TRIM44: variants seen among roughly 807,000 people sequenced by gnomAD.
TRIM44 encodes the protein tripartite motif-containing protein 44.
Under a neutral mutation model 37.4 loss-of-function variants are expected in TRIM44, and 13 were observed. That is an observed-to-expected ratio of 0.35 (90% CI 0.23 to 0.55). The LOEUF (loss-of-function observed/expected upper bound fraction) is 0.55, where lower values mean the gene tolerates loss of function less well. Ranked by LOEUF, TRIM44 falls within the 20% of genes least tolerant of loss-of-function variation. The probability of loss-of-function intolerance (pLI) is 0.89; values close to 1 mark genes in which losing one functional copy is unlikely to be tolerated. For synonymous variants in TRIM44, 175 were observed against 157.2 expected (o/e 1.11, Z -0.85); for missense variants, 426 against 437.2 (o/e 0.97, Z 0.23).
intron 1 of TRIM44, among the ~76,000 whole-genome samples, chr11:35,678,457 T>C (rs1392578382): frequency 6.6e-6 from 1 of 152,156 alleles, no homozygotes. Context: ...GGTTTGGAGT[T>C]AGAAAATGAA....
intron 4 of TRIM44, among the ~76,000 whole-genome samples, chr11:35,750,247 G>A (rs1233592735): frequency 6.6e-6 from 1 of 152,114 alleles, no homozygotes; most frequent in Non-Finnish European, 1.5e-5. Context: ...TTTTCATGGC[G>A]CTTACCACAT....
At chr11:35,800,539 C>T (rs1368963070) in intron 4 of TRIM44, among the ~76,000 whole-genome samples, 2 of 152,148 alleles carry the variant, frequency 1.3e-5, no homozygotes, top group Non-Finnish European at 2.9e-5. Context: ...TTACAGAATG[C>T]TGATTGGTGC....
At chr11:35,721,357 T>C (rs1852104238) in intron 2 of TRIM44, among the ~76,000 whole-genome samples, 1 of 152,264 alleles carries the variant, frequency 6.6e-6, no homozygotes, top group Non-Finnish European at 1.5e-5. Flanking sequence ...AAAGTACTTG[T>C]AATTCCACCA....
At chr11:35,689,836 G>A (rs2135493220) in intron 2 of TRIM44, among the ~76,000 whole-genome samples, 1 of 152,240 alleles carries the variant, frequency 6.6e-6, no homozygotes. Flanking sequence ...TGAACCAAAA[G>A]TACAACATGC....
chr11:35,779,376 C>T (rs1466941130), intron 4 of TRIM44, among the ~76,000 whole-genome samples: 2 of 152,162 alleles, frequency 1.3e-5, no homozygotes, highest in Non-Finnish European at 2.9e-5. Flanking sequence ...AGGGAATTCC[C>T]TGACCCCTTG....
At chr11:35,724,960 T>C (rs1212541028) in intron 2 of TRIM44, among the ~76,000 whole-genome samples, 1 of 152,110 alleles carries the variant, frequency 6.6e-6, no homozygotes, top group Non-Finnish European at 1.5e-5. Flanking sequence ...TATTAAGAGA[T>C]ATAGCCAAGG....
intron 4 of TRIM44, among the ~76,000 whole-genome samples, chr11:35,784,008 A>G (rs1030096321): frequency 9.2e-5 from 14 of 152,194 alleles, no homozygotes; most frequent in Non-Finnish European, 2.1e-4. Flanking sequence ...GTGGCCTTCA[A>G]TGTTGAGGGT....
At chr11:35,737,784 C>T (rs563768779) in intron 4 of TRIM44, among the ~76,000 whole-genome samples, 57 of 151,316 alleles carry the variant, frequency 3.8e-4, no homozygotes, top group Admixed American at 6.6e-4. Flanking sequence ...TGCAGTGAGC[C>T]GAGATTGTGC....
chr11:35,745,918 AT>A (rs1852483104), intron 4 of TRIM44, among the ~76,000 whole-genome samples: 1 of 151,858 alleles, frequency 6.6e-6, no homozygotes, highest in Admixed American at 6.6e-5. Flanking sequence ...CCCCGCCTTT[AT>A]TTTTCCTCAT....
intron 4 of TRIM44, among the ~76,000 whole-genome samples, chr11:35,771,093 G>A (rs113559870): frequency 0.15 from 22,661 of 152,140 alleles, 1,930 homozygotes; most frequent in East Asian, 0.24. Flanking sequence ...TGGGTAACAA[G>A]CAGAGGTTGG....
intron 4 of TRIM44, among the ~76,000 whole-genome samples, chr11:35,802,379 A>C (rs1277744744): frequency 6.6e-6 from 1 of 152,158 alleles, no homozygotes; most frequent in African/African-American, 2.4e-5. Context: ...GTTACATGCT[A>C]AGATTCAGAA....
rs563532626 is a variant in TRIM44 at position 35,817,998 on chromosome 11, T to G, written c.*11613T>G. ...AGAACTGTGAGCCAATTAAACCTCT[T>G]TATGAATTATGCAGTCTCAGGTGTT... On this transcript the variant is annotated 3_prime_UTR_variant, in exon 5 of 5. Coordinates refer to ENST00000299413, the MANE Select transcript of TRIM44 (RefSeq NM_017583.6). 13 of 152,096 alleles carry G rather than the reference T, an allele frequency of 8.5e-5. No homozygotes were observed. The highest frequency in any genetic ancestry group is 1.8e-4 in the Non-Finnish European group (12 of 68,028). The allele number at this position is 152,096 out of a possible 1,614,324, so 9.4% of individuals were successfully genotyped here.
intron 4 of TRIM44, among the ~76,000 whole-genome samples, chr11:35,777,451 A>C (rs1852986381): frequency 6.6e-6 from 1 of 152,182 alleles, no homozygotes; most frequent in South Asian, 2.1e-4. Context: ...TAGCCCATTT[A>C]CATTTAAGGT....
chr11:35,766,642 C>G (rs977476413), intron 4 of TRIM44, among the ~76,000 whole-genome samples: 1 of 152,048 alleles, frequency 6.6e-6, no homozygotes, highest in Non-Finnish European at 1.5e-5. Flanking sequence ...TAGTTCTTAC[C>G]CCTGTTTCTC....
chr11:35,767,736 A>G (rs1852816822), intron 4 of TRIM44, among the ~76,000 whole-genome samples: 1 of 152,154 alleles, frequency 6.6e-6, no homozygotes, highest in Non-Finnish European at 1.5e-5. Flanking sequence ...CACATTAACT[A>G]TTTTTTAGTG....
intron 2 of TRIM44, among the ~76,000 whole-genome samples, chr11:35,717,511 C>T (rs1852052336): frequency 6.6e-6 from 1 of 152,060 alleles, no homozygotes; most frequent in Non-Finnish European, 1.5e-5. Context: ...CTTAAAAAAC[C>T]CCAGTCCTCA....
intron 4 of TRIM44, among the ~76,000 whole-genome samples, chr11:35,795,710 TAGC>T (rs1336684398): frequency 6.6e-6 from 1 of 152,096 alleles, no homozygotes; most frequent in Non-Finnish European, 1.5e-5. Flanking sequence ...TTTTAATAGA[TAGC>T]AGTTTCAGAG....
Position 35,817,365 on chromosome 11 carries a change from T to G in TRIM44, c.*10980T>G, listed in dbSNP as rs748885033. 6.6e-6 allele frequency: 1 copy of G among 152,214 alleles called. No homozygotes were observed. The highest frequency in any genetic ancestry group is 1.5e-5 in the Non-Finnish European group (1 of 68,046). The allele number at this position is 152,214 out of a possible 1,614,324, so 9.4% of individuals were successfully genotyped here. A position where few individuals can be genotyped will look rare whatever the true frequency, so the allele number is the denominator to read the frequency against. On this transcript the variant is annotated 3_prime_UTR_variant, in exon 5 of 5. Coordinates refer to ENST00000299413, the MANE Select transcript of TRIM44 (RefSeq NM_017583.6). The stretch of plus-strand genomic sequence containing the variant: ...TTGTGTGGCATTTGGCACATCATGT[T>G]CTCTCTCTACATGCGCCTAAAATGA...
intron 4 of TRIM44, among the ~76,000 whole-genome samples, chr11:35,798,211 A>C (rs1274838673): frequency 6.6e-6 from 1 of 152,210 alleles, no homozygotes; most frequent in East Asian, 1.9e-4. Context: ...GAATCAAAGG[A>C]AGCAATTGGA....
Sources: allele counts gnomAD v4.1 joint callset (sites outside exome capture counted in the v4.1 genomes callset), GRCh38; gene constraint gnomAD v4.1.1; transcripts MANE v1.5; gene names NCBI Gene and HGNC (gene_info 2026-07-23, HGNC 2026-07-21).